The following SBF2 variants were observed in gnomAD, a reference collection of about 807,000 sequenced individuals.
The protein encoded by SBF2 is SET binding factor 2.
A neutral mutation model predicts 225.2 loss-of-function variants in SBF2; 112 were observed. That is an observed-to-expected ratio of 0.50 (90% CI 0.43 to 0.58). The LOEUF (loss-of-function observed/expected upper bound fraction) is 0.58. SBF2 is among the 20% of genes least tolerant of loss of function. The pLI is 0.00. For synonymous variants in SBF2, 763 were observed against 773.3 expected, an observed-to-expected ratio of 0.99 and a Z score of 0.22; for missense variants, 1,996 against 2,206.2, an observed-to-expected ratio of 0.90 and a Z score of 1.91.
At chr11:10,000,746 G>A (rs1947920258) in intron 8 of SBF2, among the ~76,000 whole-genome samples, 168 bp downstream of exon 8, 3 of 151,926 alleles carry the variant, frequency 2.0e-5, no homozygotes, top group Admixed American at 2.0e-4. Flanking sequence ...TTGCTATATG[G>A]CAAAATTAAT....
intron 2 of SBF2, among the ~76,000 whole-genome samples, chr11:10,051,956 G>A (rs1181000225): frequency 1.3e-5 from 2 of 152,070 alleles, no homozygotes; most frequent in Admixed American, 1.3e-4. Context: ...AACTAAAAAT[G>A]TGTTAGAGAA....
intron 2 of SBF2, among the ~76,000 whole-genome samples, chr11:10,075,951 C>G (rs914960361): frequency 6.6e-6 from 1 of 151,652 alleles, no homozygotes; most frequent in Non-Finnish European, 1.5e-5. Context: ...TACCATAGCT[C>G]ACCCACTCAG....
chr11:10,253,132 A>AAAAAAAAAAAAAAAC, intron 1 of SBF2, among the ~76,000 whole-genome samples: 1 of 151,596 alleles, frequency 6.6e-6, no homozygotes, highest in Non-Finnish European at 1.5e-5. Context: ...AAAAAAAAAA[A>AAAAAAAAAAAAAAAC]AAAAAAAAAA....
intron 2 of SBF2, among the ~76,000 whole-genome samples, chr11:10,118,902 GA>G (rs545712716): frequency 7.6e-4 from 57 of 75,058 alleles, no homozygotes; most frequent in Admixed American, 1.8e-3. Context: ...AGTACTGGAA[GA>G]AAAAAAAAAA....
intron 16 of SBF2, among the ~76,000 whole-genome samples, chr11:9,898,428 T>C (rs933753354): frequency 3.9e-5 from 6 of 152,144 alleles, no homozygotes; most frequent in African/African-American, 1.2e-4. Flanking sequence ...CCCAGCACTT[T>C]AGGAGGCAGA....
chr11:9,816,864 T>A lies in SBF2; in HGVS notation c.3954A>T (p.Ile1318=). The A allele has an allele frequency of 6.2e-7, 1 of 1,614,116 alleles. No individual in the cohort carries two copies. The highest frequency in any genetic ancestry group is 1.3e-5 in the African/African-American group (1 of 75,028). ...QLLKRQAALY[I]FGEKSQLRNF... is the part of the protein sequence containing the mutation. ...CCCTTAGTTGCGACTTTTCACCAAA[T>A]ATGTAAAGGGCTGCTTGCCGTTTCA... The change falls in exon 29 of 40, where the codon ATA becomes ATT. Residue 1318 remains isoleucine (I), a synonymous_variant. Coordinates refer to ENST00000256190, the MANE Select transcript of SBF2 (RefSeq NM_030962.4).
At chr11:10,191,593 A>C (rs1172149031) in intron 2 of SBF2, among the ~76,000 whole-genome samples, 4 of 152,204 alleles carry the variant, frequency 2.6e-5, no homozygotes, top group African/African-American at 9.6e-5. Flanking sequence ...TAGCCCAACA[A>C]ATCTTGAAAT....
intron 2 of SBF2, among the ~76,000 whole-genome samples, chr11:10,076,476 C>T (rs1157349366): frequency 6.6e-6 from 1 of 152,174 alleles, no homozygotes; most frequent in African/African-American, 2.4e-5. Flanking sequence ...TGGGCTCCAG[C>T]TTTGGGTACA....
At chr11:10,226,784 A>G in intron 1 of SBF2, among the ~76,000 whole-genome samples, 1 of 152,234 alleles carries the variant, frequency 6.6e-6, no homozygotes, top group East Asian at 1.9e-4. Context: ...GTGCCACAAT[A>G]AACATACATG....
chr11:10,125,478 G>A (rs1018878716), intron 2 of SBF2, among the ~76,000 whole-genome samples: 12 of 152,146 alleles, frequency 7.9e-5, no homozygotes, highest in African/African-American at 2.7e-4. Context: ...AACGACACTA[G>A]AAAGGGCAGT....
At chr11:9,996,376 C>T (rs1947701220) in intron 9 of SBF2, among the ~76,000 whole-genome samples, 1 of 151,986 alleles carries the variant, frequency 6.6e-6, no homozygotes, top group Admixed American at 6.6e-5. Context: ...TTTAAATCAA[C>T]TCACCTTCTT....
intron 2 of SBF2, among the ~76,000 whole-genome samples, chr11:10,064,296 A>G (rs1221847355): frequency 1.3e-5 from 2 of 152,326 alleles, no homozygotes; most frequent in Middle Eastern, 3.4e-3. Context: ...TAAAGATTGC[A>G]TAAGTTAAAC....
chr11:10,160,802 T>G (rs570143211), intron 2 of SBF2, among the ~76,000 whole-genome samples: 1 of 152,296 alleles, frequency 6.6e-6, no homozygotes, highest in South Asian at 2.1e-4. Context: ...AGCAGCTATC[T>G]CTTCCTAGAA....
At chr11:10,273,283 C>T (rs1415698613) in intron 1 of SBF2, among the ~76,000 whole-genome samples, 1 of 152,138 alleles carries the variant, frequency 6.6e-6, no homozygotes, top group Non-Finnish European at 1.5e-5. Context: ...ATTACTTCAA[C>T]TTAATTGCAC....
chr11:10,281,850 T>C (rs1385822745), intron 1 of SBF2, among the ~76,000 whole-genome samples: 1 of 152,170 alleles, frequency 6.6e-6, no homozygotes, highest in Non-Finnish European at 1.5e-5. Context: ...ACATTCTCAA[T>C]CTTCCAATTT....
chr11:9,873,919 G>C (rs1858997028), intron 17 of SBF2, among the ~76,000 whole-genome samples: 1 of 150,190 alleles, frequency 6.7e-6, no homozygotes, highest in Admixed American at 6.7e-5. Flanking sequence ...CCTGGTGGCA[G>C]GCGCATGTAA....
At chr11:10,196,304 A>T (rs953149522) in intron 1 of SBF2, among the ~76,000 whole-genome samples, 5 of 152,204 alleles carry the variant, frequency 3.3e-5, no homozygotes, top group African/African-American at 9.6e-5. Flanking sequence ...TTATTCTATC[A>T]TGTTTAATCA....
At chr11:9,912,766 T>G (rs574603834) in intron 16 of SBF2, among the ~76,000 whole-genome samples, 3 of 152,270 alleles carry the variant, frequency 2.0e-5, no homozygotes, top group South Asian at 4.1e-4. Context: ...AACAACAAAA[T>G]TGTCAAGCTA....
Position 10,020,187 on chromosome 11 carries a change from C to T in SBF2, c.619+8265G>A, listed in dbSNP as rs531196806. On this transcript the variant is annotated intron_variant, in intron 6 of 39. Transcript: ENST00000256190. ...CCTGAAATTGGTGATCGGCAGCTTC[C>T]TGATAAGAGCTCAGGAGTTGGGTGA... Among the ~76,000 whole-genome samples the T allele has an allele frequency of 3.9e-5, 6 of 152,178 alleles. No individual in the cohort carries two copies. The South Asian group carries it at 1.2e-3, about 32-fold the overall frequency.
Sources: gnomAD v4.1 joint callset for allele counts (sites outside exome capture counted in the v4.1 genomes callset) on GRCh38, gnomAD v4.1.1 for gene constraint, MANE v1.5 for transcripts, NCBI Gene and HGNC (gene_info 2026-07-23, HGNC 2026-07-21) for gene names.